The following SMN2 variants were observed in gnomAD, a reference collection of about 807,000 sequenced individuals.
SMN2 encodes survival motor neuron protein.
In SMN2, 1 loss-of-function variant was observed where a neutral mutation model predicts 2.8. The observed-to-expected ratio is 0.35, with a 90% CI of 0.13 to 1.68. The LOEUF (loss-of-function observed/expected upper bound fraction) is 1.68, where lower values mean the gene tolerates loss of function less well. Among genes scored for constraint, SMN2 ranks in the 40% most tolerant of loss-of-function variants. The pLI is 0.35. For synonymous variants in SMN2, 5 were observed against 5.0 expected (o/e 0.99, Z 0.01); for missense variants, 12 against 16.9 (o/e 0.71, Z 0.51).
At chr5:70,079,521 C>T (rs1383210312), downstream of SMN2, among the ~76,000 whole-genome samples, 15 of 144,760 alleles carry the variant, frequency 1.0e-4, no homozygotes, top group Admixed American at 4.1e-4. Flanking sequence ...TTTGGGAGGA[C>T]GAGACAGGCG....
intron 7 of SMN2, chr5:70,071,516 A>ATTTTTTTTTT (rs1350107358): frequency 2.3e-5 from 2 of 86,532 alleles, no homozygotes; most frequent in African/African-American, 5.2e-5. Flanking sequence ...ATTTTATTTT[A>ATTTTTTTTTT]TTTTTTTTTT....
chr5:70,079,325 G>A (rs1774817279), downstream of SMN2, among the ~76,000 whole-genome samples: 1 of 145,726 alleles, frequency 6.9e-6, no homozygotes, highest in Non-Finnish European at 1.5e-5. Context: ...CCAGCTACTT[G>A]GGAGGCTGAG....
intron 1 of SMN2, among the ~76,000 whole-genome samples, chr5:70,052,397 C>T (rs1329327835): frequency 1.0e-4 from 4 of 38,630 alleles, no homozygotes; most frequent in Admixed American, 3.1e-4. Flanking sequence ...AAAAATTAGC[C>T]GGGCATGGTG....
chr5:70,084,938 C>T, the SMN2 span, among the ~76,000 whole-genome samples: 244 of 137,508 alleles, frequency 1.8e-3, 14 homozygotes, highest in African/African-American at 6.6e-3. Context: ...GAGAACCTTA[C>T]CCAGATATTC....
At chr5:70,083,697 C>T in the SMN2 span, among the ~76,000 whole-genome samples, 13 of 130,630 alleles carry the variant, frequency 1.0e-4, no homozygotes, top group Admixed American at 7.7e-5. Context: ...TAAACTATCG[C>T]AAGGACAAAA....
At chr5:70,085,269 TCTCA>T in the SMN2 span, among the ~76,000 whole-genome samples, 9 of 123,978 alleles carry the variant, frequency 7.3e-5, no homozygotes, top group Non-Finnish European at 1.1e-4. Context: ...TGAGATGGAG[TCTCA>T]CTCTGTCACC....
chr5:70,084,665 C>G, the SMN2 span, among the ~76,000 whole-genome samples: 1 of 137,730 alleles, frequency 7.3e-6, no homozygotes, highest in Non-Finnish European at 1.5e-5. Flanking sequence ...ACATTTTTAT[C>G]TTATTGTGAA....
chr5:70,083,246 C>A (rs561548076), downstream of SMN2, among the ~76,000 whole-genome samples: 9 of 108,240 alleles, frequency 8.3e-5, 1 homozygote, highest in East Asian at 1.8e-3. Flanking sequence ...AATTTCTGTT[C>A]TTTTACGTTT....
intron 7 of SMN2, chr5:70,071,088 C>CTTTTTTT (rs1164147978): frequency 2.0e-5 from 1 of 51,032 alleles, no homozygotes; most frequent in East Asian, 6.2e-4. Flanking sequence ...AAATGAAATT[C>CTTTTTTT]TTTTTTTTTT....
At position 70,074,932 on chromosome 5, in the gene SMN2, C is replaced by T. The variant is rs540214014; in HGVS notation, c.835-1589C>T. ...GCTTGAACCGAGAAGGCGGAGGTTGCGGTGAGCCAAGATTGCACCATTGCA... is the reference window on the plus strand; with the variant it reads ...GCTTGAACCGAGAAGGCGGAGGTTGTGGTGAGCCAAGATTGCACCATTGCA... On this transcript the variant is annotated intron_variant, in intron 7 of 8. Coordinates refer to ENST00000380743, the MANE Select transcript of SMN2 (RefSeq NM_017411.4). 5.8e-4 allele frequency among the ~76,000 whole-genome samples: 72 copies of T among 124,104 alleles called. 13 individuals carry two copies. The highest frequency in any genetic ancestry group is 9.3e-4 in the Non-Finnish European group (55 of 58,928). 81.4% of individuals were successfully genotyped at this position (124,104 alleles called of 152,430 possible).
chr5:70,076,389 T>C lies in SMN2; in HGVS notation c.835-132T>C, dbSNP rs1416218077. ...AGACTATCAACTTAATTTCTGATCA[T>C]ATTTTGTTGAATAAAATAAGTAAAA... On this transcript the variant is annotated intron_variant, in intron 7 of 8. Transcript: ENST00000380743. The C allele has an allele frequency of 1.2e-5, 6 of 493,036 alleles. 1 individual carries two copies. The highest frequency in any genetic ancestry group is 2.2e-5 in the Non-Finnish European group (6 of 276,348). 30.5% of individuals were successfully genotyped at this position (493,036 alleles called of 1,614,324 possible). A position where few individuals can be genotyped will look rare whatever the true frequency, so the allele number is the denominator to read the frequency against.
intron 7 of SMN2, among the ~76,000 whole-genome samples, chr5:70,076,200 G>C (rs1774747652): frequency 9.7e-6 from 1 of 102,650 alleles, no homozygotes; most frequent in Non-Finnish European, 1.9e-5. Context: ...GTAGAGACAG[G>C]GTCTCATTAT....
chr5:70,083,243 G>T (rs71235092), downstream of SMN2, among the ~76,000 whole-genome samples: 7 of 106,964 alleles, frequency 6.5e-5, 2 homozygotes, highest in Non-Finnish European at 1.3e-4. Flanking sequence ...TATAATTTCT[G>T]TTCTTTTACG....
chr5:70,075,511 G>C (rs1220198781), intron 7 of SMN2, among the ~76,000 whole-genome samples: 1 of 120,490 alleles, frequency 8.3e-6, no homozygotes. Flanking sequence ...ACTGTGCCCG[G>C]CCTAGTCTTG....
intron 6 of SMN2, among the ~76,000 whole-genome samples, chr5:70,069,992 C>T (rs1198311842): frequency 2.7e-5 from 1 of 36,374 alleles, no homozygotes; most frequent in Non-Finnish European, 4.6e-5. Flanking sequence ...CGTGAGCTGC[C>T]GCACCCAGCT....
At chr5:70,083,554 A>G in the SMN2 span, among the ~76,000 whole-genome samples, 6 of 136,692 alleles carry the variant, frequency 4.4e-5, 1 homozygote, top group Non-Finnish European at 9.2e-5. Flanking sequence ...AACCAACCCA[A>G]ACGTCCAACA....
downstream of SMN2, chr5:70,077,681 TG>T (rs1374971062): frequency 5.9e-5 from 6 of 102,542 alleles, no homozygotes; most frequent in Non-Finnish European, 1.9e-5. Flanking sequence ...TAGCATTTTG[TG>T]TATGTGCATG....
chr5:70,081,207 TTCCATTGG>T (rs1774851416), downstream of SMN2, among the ~76,000 whole-genome samples: 1 of 118,190 alleles, frequency 8.5e-6, no homozygotes, highest in Non-Finnish European at 1.7e-5. Flanking sequence ...CTCTGTTCTG[TTCCATTGG>T]TCTATATCTC....
chr5:70,085,451 T>G, the SMN2 span, among the ~76,000 whole-genome samples: 17 of 126,148 alleles, frequency 1.3e-4, 3 homozygotes, highest in Non-Finnish European at 1.9e-4. Context: ...CCATGTTGGG[T>G]AGGCCAGTCT....
Sources: gnomAD v4.1 joint callset for allele counts (sites outside exome capture counted in the v4.1 genomes callset) on GRCh38, gnomAD v4.1.1 for gene constraint, MANE v1.5 for transcripts, NCBI Gene and HGNC (gene_info 2026-07-23, HGNC 2026-07-21) for gene names.